Variants in JAKMIP2 observed in about 807,000 individuals in gnomAD.
JAKMIP2 encodes janus kinase and microtubule interacting protein 2, also known as janus kinase and microtubule-interacting protein 2.
In JAKMIP2, 25 loss-of-function variants were observed where a neutral mutation model predicts 115.0. The ratio of observed to expected loss-of-function variants is 0.22; its 90% CI spans 0.16 to 0.30. The LOEUF is 0.30. Among genes scored for constraint, JAKMIP2 ranks in the 10% least tolerant of loss-of-function variants. JAKMIP2 has a pLI of 1.00. For synonymous variants in JAKMIP2, 334 were observed against 343.6 expected (o/e 0.97, Z 0.31); for missense variants, 642 against 957.6 (o/e 0.67, Z 4.35).
At chr5:147,676,206 G>A (rs1439048556) in intron 1 of JAKMIP2, among the ~76,000 whole-genome samples, 3 of 152,164 alleles carry the variant, frequency 2.0e-5, no homozygotes, top group Non-Finnish European at 4.4e-5. Flanking sequence ...CGTGGCGGCC[G>A]GCGCCTGTAG....
chr5:147,672,492 T>G (rs1473487080), intron 1 of JAKMIP2, among the ~76,000 whole-genome samples: 2 of 152,232 alleles, frequency 1.3e-5, no homozygotes, highest in African/African-American at 4.8e-5. Flanking sequence ...GTTAGAGCTC[T>G]TTCCATATGC....
intron 1 of JAKMIP2, among the ~76,000 whole-genome samples, chr5:147,681,109 C>T (rs972659268): frequency 6.6e-6 from 1 of 151,994 alleles, no homozygotes; most frequent in Admixed American, 6.6e-5. Context: ...ATAAATATAA[C>T]CAAAAAGTTA....
intron 1 of JAKMIP2, among the ~76,000 whole-genome samples, chr5:147,706,281 C>T (rs928996171): frequency 6.6e-6 from 1 of 152,104 alleles, no homozygotes; most frequent in Non-Finnish European, 1.5e-5. Flanking sequence ...CTGGTTTTTT[C>T]CATCTTCCCC....
chr5:147,603,381 A>T (rs10051794), intron 20 of JAKMIP2, among the ~76,000 whole-genome samples: 116,287 of 152,120 alleles, frequency 0.76, 45,717 homozygotes, highest in Non-Finnish European at 0.87. Context: ...ATTATGCTCT[A>T]GATAAGTGCT....
At chr5:147,726,710 C>T (rs761851696) in intron 1 of JAKMIP2, among the ~76,000 whole-genome samples, 13 of 152,216 alleles carry the variant, frequency 8.5e-5, no homozygotes, top group Non-Finnish European at 1.6e-4. Flanking sequence ...CAGTAACAAA[C>T]TTTGCTGCAG....
intron 21 of JAKMIP2, among the ~76,000 whole-genome samples, chr5:147,600,683 A>G (rs150859628): frequency 6.8e-4 from 103 of 152,080 alleles, no homozygotes; most frequent in African/African-American, 2.3e-3. Context: ...TTAAATACAG[A>G]CCAGTCCTTG....
At chr5:147,710,937 C>G (rs957558910) in intron 1 of JAKMIP2, among the ~76,000 whole-genome samples, 4 of 152,202 alleles carry the variant, frequency 2.6e-5, no homozygotes, top group African/African-American at 4.8e-5. Context: ...TCTCAACAGA[C>G]AGAGGAATAA....
intron 3 of JAKMIP2, among the ~76,000 whole-genome samples, chr5:147,655,958 A>T (rs2126764757): frequency 6.6e-6 from 1 of 152,330 alleles, no homozygotes; most frequent in South Asian, 2.1e-4. Flanking sequence ...TTTACCCAGT[A>T]GTCATTCAGG....
chr5:147,721,133 TG>T (rs906874849), intron 1 of JAKMIP2, among the ~76,000 whole-genome samples: 1 of 151,686 alleles, frequency 6.6e-6, no homozygotes, highest in Non-Finnish European at 1.5e-5. Flanking sequence ...GTGCCCCTGC[TG>T]GGGGGTGCCT....
At chr5:147,717,460 G>C (rs1211611345) in intron 1 of JAKMIP2, among the ~76,000 whole-genome samples, 1 of 132,236 alleles carries the variant, frequency 7.6e-6, no homozygotes, top group African/African-American at 2.9e-5. Context: ...TCACGATATT[G>C]ATTCTTCCTA....
chr5:147,681,690 G>A (rs1760288940), intron 1 of JAKMIP2, among the ~76,000 whole-genome samples: 1 of 152,104 alleles, frequency 6.6e-6, no homozygotes, highest in Non-Finnish European at 1.5e-5. Flanking sequence ...TAATCATACA[G>A]AGGACAGGAG....
rs567106629 is a variant in JAKMIP2 at position 147,614,086 on chromosome 5, A to C, written c.2347-1715T>G. Among the ~76,000 whole-genome samples, 8 of 152,306 alleles carry C rather than the reference A, an allele frequency of 5.3e-5. No individual in the cohort carries two copies. The South Asian group carries it at 1.7e-3, about 32-fold the overall frequency. On this transcript the variant is annotated intron_variant, in intron 19 of 21. Transcript: ENST00000616793. ...GGATATGGAGGCAAGTACTATATGG[A>C]CAAAATCATGAATATGTAAAATTAC... is the stretch of plus-strand genomic sequence containing the variant.
intron 16 of JAKMIP2, among the ~76,000 whole-genome samples, chr5:147,624,457 C>T (rs1274325078): frequency 1.3e-5 from 2 of 152,064 alleles, no homozygotes; most frequent in Admixed American, 1.3e-4. Flanking sequence ...AGAAAGAAGG[C>T]CAGGTACACT....
chr5:147,639,886 T>G (rs1581337042), intron 9 of JAKMIP2, 126 bp from the exon 10 acceptor site: 1 of 1,124,548 alleles, frequency 8.9e-7, no homozygotes, highest in East Asian at 2.4e-5. Flanking sequence ...CTATTTGATT[T>G]TATTTTTAGC....
intron 1 of JAKMIP2, among the ~76,000 whole-genome samples, chr5:147,694,163 A>T (rs1018301877): frequency 6.6e-6 from 1 of 152,146 alleles, no homozygotes; most frequent in Non-Finnish European, 1.5e-5. Context: ...TCAACCTCAG[A>T]TTTAATGTTG....
At chr5:147,666,797 T>C (rs1408534388) in intron 2 of JAKMIP2, among the ~76,000 whole-genome samples, 1 of 152,172 alleles carries the variant, frequency 6.6e-6, no homozygotes, top group Non-Finnish European at 1.5e-5. Flanking sequence ...GTCGATATCA[T>C]TCTCTTACGG....
chr5:147,644,726 C>G, intron 6 of JAKMIP2, 124 bp downstream of exon 6: 1 of 846,416 alleles, frequency 1.2e-6, no homozygotes, highest in Non-Finnish European at 1.8e-6. Flanking sequence ...GGCTTCCTTG[C>G]TTACATAAGG....
intron 1 of JAKMIP2, among the ~76,000 whole-genome samples, chr5:147,716,230 A>G (rs1426263985): frequency 8.5e-6 from 1 of 117,176 alleles, no homozygotes; most frequent in Non-Finnish European, 1.7e-5. Flanking sequence ...ACATTTTCTT[A>G]ATCCAGTCTA....
intron 1 of JAKMIP2, among the ~76,000 whole-genome samples, chr5:147,765,687 T>C (rs1182877796): frequency 2.0e-5 from 3 of 152,166 alleles, no homozygotes; most frequent in African/African-American, 7.2e-5. Context: ...AACCAAGTAG[T>C]ATGTGTTCAT....
Sources: gnomAD v4.1 joint callset for allele counts (sites outside exome capture counted in the v4.1 genomes callset) on GRCh38, gnomAD v4.1.1 for gene constraint, MANE v1.5 for transcripts, NCBI Gene and HGNC (gene_info 2026-07-23, HGNC 2026-07-21) for gene names.